Variants in PTPRM observed in about 807,000 individuals in gnomAD.
PTPRM encodes the protein receptor-type tyrosine-protein phosphatase mu.
In PTPRM, 47 loss-of-function variants were observed where a neutral mutation model predicts 186.7. The observed-to-expected ratio is 0.25, with a 90% CI of 0.20 to 0.32. The LOEUF is 0.32. Ranked by LOEUF, PTPRM falls within the 10% of genes least tolerant of loss-of-function variation. The probability of loss-of-function intolerance (pLI) is 1.00; values close to 1 mark genes in which losing one functional copy is unlikely to be tolerated. For synonymous variants in PTPRM, 668 were observed against 674.9 expected, an observed-to-expected ratio of 0.99 and a Z score of 0.16; for missense variants, 1,494 against 1,865.0, an observed-to-expected ratio of 0.80 and a Z score of 3.66.
intron 9 of PTPRM, among the ~76,000 whole-genome samples, chr18:8,077,779 C>T (rs200814975): frequency 1.8e-4 from 28 of 152,098 alleles, no homozygotes; most frequent in African/African-American, 5.1e-4. Context: ...ATTTCCAAGC[C>T]GTAAGTTCAC....
intron 13 of PTPRM, among the ~76,000 whole-genome samples, chr18:8,142,440 T>C (rs2092787067): frequency 6.6e-6 from 1 of 152,182 alleles, no homozygotes; most frequent in African/African-American, 2.4e-5. Flanking sequence ...ATCATTTACG[T>C]GTTCCCAAAG....
intron 13 of PTPRM, among the ~76,000 whole-genome samples, chr18:8,134,327 C>G (rs1021388355): frequency 6.6e-6 from 1 of 152,094 alleles, no homozygotes; most frequent in African/African-American, 2.4e-5. Flanking sequence ...AAAGGCTTGT[C>G]AAATGCCCAC....
chr18:7,734,996 T>C (rs4455047), intron 1 of PTPRM, among the ~76,000 whole-genome samples: 58,662 of 151,980 alleles, frequency 0.39, 12,837 homozygotes, highest in East Asian at 0.83. Context: ...ATCCCCCTTA[T>C]GGCCGAGGGG....
At chr18:7,838,909 C>T (rs1312889170) in intron 2 of PTPRM, among the ~76,000 whole-genome samples, 1 of 152,228 alleles carries the variant, frequency 6.6e-6, no homozygotes, top group Non-Finnish European at 1.5e-5. Context: ...TCTTCCCTCC[C>T]CTTTCCAAAG....
chr18:8,329,539 C>CG (rs756741257), intron 22 of PTPRM, among the ~76,000 whole-genome samples: 17 of 152,308 alleles, frequency 1.1e-4, no homozygotes, highest in Non-Finnish European at 2.1e-4. Flanking sequence ...TACCCATGTA[C>CG]TTTCCAAAGT....
At chr18:8,387,577 C>G (rs1467195816) in intron 31 of PTPRM, among the ~76,000 whole-genome samples, 1 of 151,076 alleles carries the variant, frequency 6.6e-6, no homozygotes, top group African/African-American at 2.5e-5. Flanking sequence ...GGGTCTTCAA[C>G]TGTTGGTAAC....
chr18:8,346,005 CAA>C (rs1194802912), intron 23 of PTPRM, among the ~76,000 whole-genome samples: 1 of 152,172 alleles, frequency 6.6e-6, no homozygotes, highest in African/African-American at 2.4e-5. Context: ...GGCTATTATG[CAA>C]AGTTTAAACA....
chr18:8,301,512 G>A (rs1440196938), intron 20 of PTPRM, among the ~76,000 whole-genome samples: 1 of 152,226 alleles, frequency 6.6e-6, no homozygotes, highest in Non-Finnish European at 1.5e-5. Flanking sequence ...TAATGAGCCA[G>A]AATCTGCAGA....
chr18:8,259,009 T>C (rs2094601522), intron 19 of PTPRM, among the ~76,000 whole-genome samples: 1 of 152,064 alleles, frequency 6.6e-6, no homozygotes, highest in African/African-American at 2.4e-5. Flanking sequence ...GGAGTGCAGT[T>C]GCACAATCTC....
intron 11 of PTPRM, among the ~76,000 whole-genome samples, chr18:8,107,072 C>T (rs905309199): frequency 1.3e-5 from 2 of 152,142 alleles, no homozygotes; most frequent in African/African-American, 4.8e-5. Flanking sequence ...TATTTTTATT[C>T]AAATCATTAG....
At chr18:8,030,259 C>G (rs150112209) in intron 7 of PTPRM, among the ~76,000 whole-genome samples, 1 of 152,174 alleles carries the variant, frequency 6.6e-6, no homozygotes, top group African/African-American at 2.4e-5. Flanking sequence ...GTACCTTATA[C>G]GTCTTTAATT....
At chr18:8,374,020 G>A (rs1220632301) in intron 24 of PTPRM, among the ~76,000 whole-genome samples, 4 of 152,114 alleles carry the variant, frequency 2.6e-5, no homozygotes, top group African/African-American at 9.7e-5. Flanking sequence ...CATCTATGAT[G>A]TTCTTCCCCA....
chr18:8,143,080 T>C (rs562817220), intron 13 of PTPRM, among the ~76,000 whole-genome samples: 233 of 152,282 alleles, frequency 1.5e-3, no homozygotes, highest in African/African-American at 5.3e-3. Context: ...AGGAGTCTTT[T>C]GCCTACCAGA....
rs76937195 is a variant in PTPRM at position 8,028,911 on chromosome 18, A to G, written c.1133-40775A>G. Among the ~76,000 whole-genome samples the G allele has an allele frequency of 1.1e-4, 16 of 152,332 alleles. No individual in the cohort carries two copies. The East Asian group carries it at 2.7e-3, about 26-fold the overall frequency. On this transcript the variant is annotated intron_variant, in intron 7 of 32. Transcript: ENST00000580170. ...AACATCTCAAATGCTGGCAAAGTCA[A>G]TGACTTTTAATTTATACTCTTTGGT...
intron 2 of PTPRM, among the ~76,000 whole-genome samples, chr18:7,862,074 T>C (rs891728501): frequency 6.6e-6 from 1 of 152,172 alleles, no homozygotes; most frequent in African/African-American, 2.4e-5. Flanking sequence ...GTGTACACCT[T>C]TGGCAGCCTG....
intron 9 of PTPRM, among the ~76,000 whole-genome samples, chr18:8,080,644 G>A (rs1427483401): frequency 2.6e-5 from 4 of 152,104 alleles, no homozygotes; most frequent in Admixed American, 2.0e-4. Context: ...TGGATAACTG[G>A]GCTGTTAGTC....
chr18:8,124,526 A>C (rs2092277526), intron 13 of PTPRM, among the ~76,000 whole-genome samples: 1 of 152,182 alleles, frequency 6.6e-6, no homozygotes. Context: ...TTGCCTAGAC[A>C]CCTTGGCATC....
chr18:7,753,846 AT>A (rs140002410), intron 1 of PTPRM, among the ~76,000 whole-genome samples: 33 of 146,756 alleles, frequency 2.2e-4, no homozygotes, highest in African/African-American at 4.2e-4. Context: ...TTATAATTCT[AT>A]TTTTTTTTTG....
At chr18:7,684,712 T>A (rs1377731963) in intron 1 of PTPRM, among the ~76,000 whole-genome samples, 1 of 152,228 alleles carries the variant, frequency 6.6e-6, no homozygotes, top group Admixed American at 6.5e-5. Flanking sequence ...ATACATTGTA[T>A]GTATATGACA....
Sources: allele counts gnomAD v4.1 joint callset (sites outside exome capture counted in the v4.1 genomes callset), GRCh38; gene constraint gnomAD v4.1.1; transcripts MANE v1.5; gene names NCBI Gene and HGNC (gene_info 2026-07-23, HGNC 2026-07-21).